Variants in COG4 observed in about 807,000 individuals in gnomAD.
The protein encoded by COG4 is conserved oligomeric Golgi complex subunit 4.
A neutral mutation model predicts 95.1 loss-of-function variants in COG4; 65 were observed. The ratio of observed to expected loss-of-function variants is 0.68; its 90% confidence interval spans 0.56 to 0.84. The LOEUF (loss-of-function observed/expected upper bound fraction) is 0.84, where lower values mean the gene tolerates loss of function less well. COG4 is among the 40% of genes least tolerant of loss of function. COG4 has a pLI of 0.00. For missense variants in COG4, 1,045 were observed against 989.1 expected (o/e 1.06, Z -0.76); for synonymous variants, 421 against 374.8 (o/e 1.12, Z -1.42).
chr16:70,484,770 G>GC (rs1317472805), intron 13 of COG4, among the ~76,000 whole-genome samples: 1 of 152,092 alleles, frequency 6.6e-6, no homozygotes. Context: ...GTAGTGGTGC[G>GC]CCCCTGCATC....
chr16:70,514,174 C>A (rs991981523), intron 4 of COG4, among the ~76,000 whole-genome samples, 161 bp downstream of exon 4: 37 of 152,064 alleles, frequency 2.4e-4, no homozygotes, highest in Middle Eastern at 3.4e-3. Flanking sequence ...GGCACCACTG[C>A]ACCCTATCCT....
intron 13 of COG4, among the ~76,000 whole-genome samples, chr16:70,485,339 G>C (rs1005522383): frequency 3.3e-5 from 5 of 151,888 alleles, no homozygotes; most frequent in Admixed American, 6.6e-5. Flanking sequence ...GAGTAGCTGG[G>C]ACTACAGGCG....
At chr16:70,505,514 AG>A (rs2049545404) in intron 8 of COG4, among the ~76,000 whole-genome samples, 1 of 150,514 alleles carries the variant, frequency 6.6e-6, no homozygotes, top group African/African-American at 2.4e-5. Context: ...TTTTCTTCTA[AG>A]AAGCACATGT....
intron 11 of COG4, 61 bp from the exon 12 acceptor site, chr16:70,496,492 G>T: frequency 6.4e-7 from 1 of 1,559,682 alleles, no homozygotes; most frequent in Non-Finnish European, 8.8e-7. Flanking sequence ...AGGACAGAAG[G>T]GCCAGTCTTC....
chr16:70,521,751 G>A (rs1215104170), intron 1 of COG4, among the ~76,000 whole-genome samples: 2 of 149,600 alleles, frequency 1.3e-5, no homozygotes, highest in African/African-American at 5.0e-5. Context: ...GCCGAGGCTG[G>A]AGTGCAGTGG....
In COG4 at chr16:70,497,308, C is replaced by T; in HGVS notation, c.1394G>A (p.Cys465Tyr). The T allele has an allele frequency of 6.2e-7, 1 of 1,614,120 alleles. No homozygotes were observed. The highest frequency in any genetic ancestry group is 1.3e-5 in the African/African-American group (1 of 75,020). Residue 465 changes from cysteine (C) to tyrosine (Y), a missense_variant, in exon 11 of 19, where the codon TGC becomes TAC. Transcript: ENST00000323786. ...VDDVFYIVKK[C>Y]IGRALSSSSI... ...GGAGCTGGACAGAGCCCGCCCAATG[C>T]ACTTCTTAACAATGTAGAAGACATC...
At chr16:70,491,294 C>T (rs1447977452) in intron 12 of COG4, among the ~76,000 whole-genome samples, 1 of 151,814 alleles carries the variant, frequency 6.6e-6, no homozygotes, top group Non-Finnish European at 1.5e-5. Context: ...GCGGGTGGAT[C>T]ACCTGAGGTC....
rs1023385241 is a variant in COG4 at position 70,501,181 on chromosome 16, C to A, written c.1062-90G>T. ...GCAAAGAGAGTCCCAAATTCCCCCT[C>A]CCCACTGGGCCCATAAGGAAAAGCT... On this transcript the variant is annotated intron_variant, in intron 8 of 18. Coordinates refer to ENST00000323786, the MANE Select transcript of COG4 (RefSeq NM_015386.3). 2.7e-5 allele frequency: 38 copies of A among 1,424,618 alleles called. No individual in the cohort carries two copies. In the East Asian group the frequency reaches 5.0e-4, roughly 19 times the overall value. The allele number at this position is 1,424,618 out of a possible 1,614,324, so 88.2% of individuals were successfully genotyped here.
At chr16:70,510,138 G>A in intron 5 of COG4, 117 bp from the exon 6 acceptor site, 1 of 817,612 alleles carries the variant, frequency 1.2e-6, no homozygotes, top group African/African-American at 1.7e-5. Context: ...TTCCCTTGAT[G>A]TCTGGAAGCC....
In COG4 at chr16:70,517,686, G is replaced by A. The variant is rs144267785; in HGVS notation, c.309C>T (p.Thr103=). 3 of 1,612,974 alleles carry A rather than the reference G, an allele frequency of 1.9e-6. No individual in the cohort carries two copies. The highest frequency in any genetic ancestry group is 2.2e-5 in the South Asian group (2 of 91,036). ...GDAKQLAGMI[T]FTCNLAENVS... is the part of the protein sequence containing the mutation. ...CATTCTCAGCCAGGTTGCAGGTAAA[G>A]GTGATCATTCCAGCCAGCTGCTTTG... Residue 103 remains threonine, a synonymous_variant, in exon 3 of 19, where the codon ACC becomes ACT. Transcript: ENST00000323786.
chr16:70,500,017 T>C (rs1219454383), intron 9 of COG4, among the ~76,000 whole-genome samples: 1 of 151,980 alleles, frequency 6.6e-6, no homozygotes, highest in Non-Finnish European at 1.5e-5. Context: ...TTTAATTTTT[T>C]AGAGATGGGG....
At chr16:70,502,280 CAAAAAAAAAAAAAAAAAAAA>C (rs59805765) in intron 8 of COG4, among the ~76,000 whole-genome samples, 1 of 19,092 alleles carries the variant, frequency 5.2e-5, no homozygotes, top group Non-Finnish European at 1.3e-4. Flanking sequence ...GACTCCGTCT[CAAAAAAAAAAAAAAAAAAAA>C]AAAAAAAAAA....
intron 2 of COG4, 56 bp downstream of exon 2, chr16:70,519,593 G>A: frequency 7.6e-7 from 1 of 1,314,722 alleles, no homozygotes; most frequent in Non-Finnish European, 1.1e-6. Context: ...ATGGTCACTT[G>A]TCCAATTGAC....
chr16:70,502,280 CAAAAAAAAA>C (rs59805765), intron 8 of COG4, among the ~76,000 whole-genome samples: 293 of 19,088 alleles, frequency 0.015, 4 homozygotes, highest in African/African-American at 0.031. Flanking sequence ...GACTCCGTCT[CAAAAAAAAA>C]AAAAAAAAAA....
Position 70,480,932 on chromosome 16 carries a change from C to T in COG4, c.*78G>A, listed in dbSNP as rs1285855622. On this transcript the variant is annotated 3_prime_UTR_variant, in exon 19 of 19. Transcript: ENST00000323786. ...TCAGATCTCCCCCAAGCCAGACAGC[C>T]TCGCTCAGCTCCTTGGCTGGGGCCC... is the stretch of plus-strand genomic sequence containing the variant. The T allele has an allele frequency of 2.6e-6, 4 of 1,567,892 alleles. No individual in the cohort carries two copies. The highest frequency in any genetic ancestry group is 3.5e-6 in the Non-Finnish European group (4 of 1,148,074).
intron 12 of COG4, among the ~76,000 whole-genome samples, chr16:70,492,824 G>A (rs1388941811): frequency 6.6e-6 from 1 of 151,936 alleles, no homozygotes; most frequent in Non-Finnish European, 1.5e-5. Flanking sequence ...TTAGTCGGGT[G>A]TGGTGGCAGG....
At chr16:70,509,519 T>C in intron 6 of COG4, 131 bp from the exon 7 acceptor site, 12 of 1,018,584 alleles carry the variant, frequency 1.2e-5, no homozygotes, top group Middle Eastern at 5.0e-4. Flanking sequence ...TGAACACAAA[T>C]AGGCCTAGTC....
In COG4 at chr16:70,496,403, C is replaced by T; in HGVS notation, c.1510G>A (p.Gly504Ser). 2 of 1,614,144 alleles carry T rather than the reference C, an allele frequency of 1.2e-6. No individual in the cohort carries two copies. Among genetic ancestry groups the T allele is most frequent in the African/African-American group, 1.3e-5 (1 of 75,026 alleles). ...RDVLCNKLRMGFPATTFQDIQ... is the reference protein window; with the variant it reads ...RDVLCNKLRMSFPATTFQDIQ... Reference sequence around the variant, plus strand: ...TCCTGGAAGGTGGTGGCAGGAAAGCCCATCCGCAGCTTATTACACAGAACA... The same window carrying T: ...TCCTGGAAGGTGGTGGCAGGAAAGCTCATCCGCAGCTTATTACACAGAACA... Residue 504 changes from glycine to serine, a missense_variant, in exon 12 of 19, where the codon GGC becomes AGC. By Grantham distance (56) the Gly-to-Ser change is moderately conservative. Transcript: ENST00000323786.
In COG4 at chr16:70,509,238, T is replaced by C; in HGVS notation, c.995A>G (p.His332Arg). ...VDKFIKQRDY[H>R]QQFRHVQNNL... ...GTAGCTTCCCCTGCTCACCTGCTGG[T>C]GGTAGTCCCTTTGCTTGATGAACTT... Residue 332 changes from histidine to arginine, a missense_variant, in exon 7 of 19, where the codon CAC becomes CGC. Coordinates refer to ENST00000323786, the MANE Select transcript of COG4 (RefSeq NM_015386.3). The C allele has an allele frequency of 6.2e-7, 1 of 1,614,202 alleles. No homozygotes were observed. Among genetic ancestry groups the C allele is most frequent in the Non-Finnish European group, 8.5e-7 (1 of 1,180,042 alleles).
Sources: gnomAD v4.1 joint callset for allele counts (sites outside exome capture counted in the v4.1 genomes callset) on GRCh38, gnomAD v4.1.1 for gene constraint, MANE v1.5 for transcripts, NCBI Gene and HGNC (gene_info 2026-07-23, HGNC 2026-07-21) for gene names.